Variants in SUSD2 observed in about 807,000 individuals in gnomAD.
The protein encoded by SUSD2 is sushi domain containing 2, also known as sushi domain-containing protein 2.
In SUSD2, 86 loss-of-function variants were observed where a neutral mutation model predicts 93.8. That is an observed-to-expected ratio of 0.92 (90% CI 0.77 to 1.10). The LOEUF (loss-of-function observed/expected upper bound fraction) is 1.10, where lower values mean the gene tolerates loss of function less well. Ranked by LOEUF, SUSD2 falls within the 50% of genes least tolerant of loss-of-function variation. SUSD2 has a pLI of 0.00. For synonymous variants in SUSD2, 483 were observed against 485.0 expected, an observed-to-expected ratio of 1.00 and a Z score of 0.05; for missense variants, 1,060 against 1,137.0, an observed-to-expected ratio of 0.93 and a Z score of 0.97.
At position 24,185,656 on chromosome 22, in the gene SUSD2, T is replaced by C. The variant is rs1428275369; in HGVS notation, c.1071-5T>C. 10 of 1,608,408 alleles carry C rather than the reference T, an allele frequency of 6.2e-6. No homozygotes were observed. The highest frequency in any genetic ancestry group is 8.5e-6 in the Non-Finnish European group (10 of 1,177,536). ...GGCCTGGCCCTGACTCACTGGCTCC[T>C]GCAGCCTCCGGTACGGCTCAGGTCA... On this transcript the variant is annotated splice_region_variant and splice_polypyrimidine_tract_variant and intron_variant, in intron 7 of 14. Transcript: ENST00000358321.
Position 24,187,442 on chromosome 22 carries a change from G to A in SUSD2, c.1883G>A (p.Gly628Glu), listed in dbSNP as rs2047376238. The A allele has an allele frequency of 1.9e-6, 3 of 1,612,924 alleles. No homozygotes were observed. Among genetic ancestry groups the A allele is most frequent in the African/African-American group, 1.3e-5 (1 of 75,030 alleles). The change falls in exon 11 of 15, where the codon GGG becomes GAG. Residue 628 changes from glycine to glutamate, a missense_variant. By Grantham distance (98) the Gly-to-Glu change is moderately conservative. This residue lies in a region of SUSD2 where 973 missense variants were observed against 1,005.3 expected (regional missense o/e 0.97). Transcript: ENST00000358321. ...GTSPQELFLF[G>E]ANWTVHNASS... ...AGTCCCCAGGAGCTGTTCCTGTTTG[G>A]GGCCAACTGTGAGTGACCGTGGAGT...
chr22:24,184,207 ACCG>A lies in SUSD2; in HGVS notation c.514_516del (p.Ala172del). 1 of 1,613,598 alleles carries A rather than the reference ACCG, an allele frequency of 6.2e-7. No homozygotes were observed. Among genetic ancestry groups the A allele is most frequent in the Non-Finnish European group, 8.5e-7 (1 of 1,180,010 alleles). On this transcript the variant is annotated inframe_deletion, in exon 4 of 15. Coordinates refer to ENST00000358321, the MANE Select transcript of SUSD2 (RefSeq NM_019601.4). ...CGAGACGCGTTGGCAATACTACGGC[ACCG>A]CCAACACCTCAGGCAACCTCAGCCT...
At chr22:24,184,101 C>G in intron 3 of SUSD2, 35 bp from the exon 4 acceptor site, 1 of 1,608,466 alleles carries the variant, frequency 6.2e-7, no homozygotes, top group Non-Finnish European at 8.5e-7. Context: ...TCCCTGGGCC[C>G]AGGCCCTCAC....
At chr22:24,182,258 C>A (rs1251343253) in intron 1 of SUSD2, among the ~76,000 whole-genome samples, 2 of 152,224 alleles carry the variant, frequency 1.3e-5, no homozygotes, top group Non-Finnish European at 2.9e-5. Context: ...CTGCCCCAGT[C>A]CCTCCCTGCA....
chr22:24,186,519 T>A, intron 10 of SUSD2, 104 bp downstream of exon 10: 1 of 1,406,468 alleles, frequency 7.1e-7, no homozygotes, highest in Non-Finnish European at 9.7e-7. Context: ...CTCCCAGTCC[T>A]GGCTAGAGGC....
chr22:24,187,267 G>A lies in SUSD2; in HGVS notation c.1708G>A (p.Glu570Lys), dbSNP rs769518325. 6.2e-7 allele frequency: 1 copy of A among 1,614,016 alleles called. No homozygotes were observed. The highest frequency in any genetic ancestry group is 8.5e-7 in the Non-Finnish European group (1 of 1,179,998). ...CATGCTGGCATCAGGGGCCGGCCTG[G>A]AGGTCAGCGTGCAGGGCCCGTTCCT... ...SIMLASGAGL[E>K]VSVQGPFLSV... Residue 570 changes from glutamate to lysine, a missense_variant, in exon 11 of 15, where the codon GAG (glutamate) becomes AAG (lysine). Physicochemically the swap from Glu to Lys is moderately conservative, Grantham distance 56 (BLOSUM62 1). Around this residue, in one of 2 missense-constraint regions of SUSD2, gnomAD observed 973 missense variants for 1,005.3 expected, o/e 0.97. Transcript: ENST00000358321.
intron 1 of SUSD2, chr22:24,182,445 C>A (rs573255621): frequency 5.5e-4 from 84 of 153,406 alleles, no homozygotes; most frequent in African/African-American, 2.0e-3. Flanking sequence ...AGGAGGGGAG[C>A]GGCCCTGGCC....
intron 2 of SUSD2, 29 bp downstream of exon 2, chr22:24,183,296 G>A (rs1398351904): frequency 1.3e-6 from 2 of 1,594,598 alleles, no homozygotes; most frequent in Non-Finnish European, 1.7e-6. Context: ...CCGGGCACTG[G>A]GGCCCCACGC....
rs534508255 is a variant in SUSD2 at position 24,185,272 on chromosome 22, C to T, written c.961C>T (p.Arg321Trp). The change falls in exon 6 of 15, where the codon CGG (arginine) becomes TGG (tryptophan). Residue 321 changes from arginine (R) to tryptophan (W), a missense_variant. This residue lies in a region of SUSD2 where 973 missense variants were observed against 1,005.3 expected (regional missense o/e 0.97). Coordinates refer to ENST00000358321, the MANE Select transcript of SUSD2 (RefSeq NM_019601.4). ...CTGCCCCTGCACCCTGACCCAGGCCCGGGCTGACTCCGGCCGCTTCTTCGT... is the reference window on the plus strand; with the variant it reads ...CTGCCCCTGCACCCTGACCCAGGCCTGGGCTGACTCCGGCCGCTTCTTCGT... ...PDCPCTLTQA[R>W]ADSGRFFTDY... The T allele has an allele frequency of 3.6e-5, 57 of 1,605,214 alleles. No homozygotes were observed. The East Asian group carries it at 5.3e-4, about 15-fold the overall frequency.
Position 24,185,179 on chromosome 22 carries a change from C to G in SUSD2, c.868C>G (p.Arg290Gly). Reference sequence around the variant, plus strand: ...CCGAGAGGACCCTGTGGCCTGGGCACGAACTCAGTGCCAGGCCTGGGAGGA... The same window carrying G: ...CCGAGAGGACCCTGTGGCCTGGGCAGGAACTCAGTGCCAGGCCTGGGAGGA... ...DFREDPVAWA[R>G]TQCQAWEELE... is the part of the protein sequence containing the mutation. The change falls in exon 6 of 15, where the codon CGA (arginine) becomes GGA (glycine). Residue 290 changes from arginine (R) to glycine (G), a missense_variant. Transcript: ENST00000358321. The G allele has an allele frequency of 6.2e-7, 1 of 1,612,266 alleles. No individual in the cohort carries two copies. Among genetic ancestry groups the G allele is most frequent in the Non-Finnish European group, 8.5e-7 (1 of 1,179,816 alleles).
chr22:24,188,188 CAG>C lies in SUSD2; in HGVS notation c.2342-32_2342-31del. The C allele has an allele frequency of 6.3e-7, 1 of 1,592,288 alleles. No individual in the cohort carries two copies. ...CTGCACCTGTCCCCACTCACCACCC[CAG>C]AGAGCCCCCTCACTGACACTCGCTC... On this transcript the variant is annotated intron_variant, in intron 13 of 14. Transcript: ENST00000358321. The surrounding 1 kb of genome is among the most constrained non-coding windows in gnomAD (Gnocchi z 4.7).
chr22:24,184,058 C>G, intron 3 of SUSD2, 78 bp from the exon 4 acceptor site: 1 of 1,441,108 alleles, frequency 6.9e-7, no homozygotes. Context: ...GAGGCTCCCA[C>G]AGCCCTTGAA....
Position 24,183,124 on chromosome 22 carries a change from C to T in SUSD2, c.144C>T (p.Cys48=), listed in dbSNP as rs1166431670. 3.7e-6 allele frequency: 6 copies of T among 1,614,056 alleles called. No homozygotes were observed. The highest frequency in any genetic ancestry group is 5.1e-6 in the Non-Finnish European group (6 of 1,179,886). The part of the protein sequence containing the change: ...LDGPCSCHPT[C]SGLGTCCLDF... ...GGCCATGTTCCTGCCACCCGACGTG[C>T]TCTGGCCTTGGCACCTGCTGCTTGG... The change falls in exon 2 of 15, where the codon TGC becomes TGT. Residue 48 remains cysteine, a synonymous_variant. Coordinates refer to ENST00000358321, the MANE Select transcript of SUSD2 (RefSeq NM_019601.4).
At chr22:24,184,025 G>C (rs935792169) in intron 3 of SUSD2, 111 bp from the exon 4 acceptor site, 19 of 1,053,276 alleles carry the variant, frequency 1.8e-5, no homozygotes, top group South Asian at 1.7e-4. Context: ...CCATCACCCA[G>C]CTGCTGCCAT....
In SUSD2 at chr22:24,186,322, G is replaced by A; in HGVS notation, c.1549G>A (p.Glu517Lys). ...CCAGGAGGGCAACTCAGATGTGGTG[G>A]AAGTCAGGCTGGCCAACAGGACCGG... ...AVQEGNSDVV[E>K]VRLANRTGGL... is the part of the protein sequence containing the mutation. The change falls in exon 10 of 15, where the codon GAA (glutamate) becomes AAA (lysine). Residue 517 changes from glutamate to lysine, a missense_variant. This residue lies in a region of SUSD2 where 973 missense variants were observed against 1,005.3 expected (regional missense o/e 0.97). Coordinates refer to ENST00000358321, the MANE Select transcript of SUSD2 (RefSeq NM_019601.4). 1 of 1,613,998 alleles carries A rather than the reference G, an allele frequency of 6.2e-7. No homozygotes were observed. The highest frequency in any genetic ancestry group is 1.1e-5 in the South Asian group (1 of 91,090).
chr22:24,185,250 C>G lies in SUSD2; in HGVS notation c.939C>G (p.Cys313Trp). 2 of 1,607,116 alleles carry G rather than the reference C, an allele frequency of 1.2e-6. No homozygotes were observed. Among genetic ancestry groups the G allele is most frequent in the African/African-American group, 1.3e-5 (1 of 74,998 alleles). The change falls in exon 6 of 15, where the codon TGC becomes TGG. Residue 313 changes from cysteine (C) to tryptophan (W), a missense_variant. Physicochemically the swap from Cys to Trp is radical, Grantham distance 215. This residue lies in a region of SUSD2 where 973 missense variants were observed against 1,005.3 expected (regional missense o/e 0.97). Coordinates refer to ENST00000358321, the MANE Select transcript of SUSD2 (RefSeq NM_019601.4). Reference sequence around the variant, plus strand: ...ACTTCCTGGAGGAGCTGCCGGACTGCCCCTGCACCCTGACCCAGGCCCGGG... The same window carrying G: ...ACTTCCTGGAGGAGCTGCCGGACTGGCCCTGCACCCTGACCCAGGCCCGGG... ...LPNFLEELPD[C>W]PCTLTQARAD...
chr22:24,186,952 C>G (rs975040026), intron 10 of SUSD2: 2 of 576,614 alleles, frequency 3.5e-6, no homozygotes, highest in African/African-American at 3.7e-5. Context: ...CCAGAGGGAC[C>G]CACACGTGCA....
In SUSD2 at chr22:24,182,889, C is replaced by T; in HGVS notation, c.77-168C>T. The T allele has an allele frequency of 8.2e-6, 5 of 607,876 alleles. No homozygotes were observed. The East Asian group carries it at 1.4e-4, about 17-fold the overall frequency. 37.7% of individuals were successfully genotyped at this position (607,876 alleles called of 1,614,324 possible). A position where few individuals can be genotyped will look rare whatever the true frequency, so the allele number is the denominator to read the frequency against. ...TAAGATTCATCCCATCCCCACGGGC[C>T]CTGTGGCTTTCTACTGTGTCCACCT... On this transcript the variant is annotated intron_variant, in intron 1 of 14. Transcript: ENST00000358321.
Position 24,186,375 on chromosome 22 carries a change from G to A in SUSD2, c.1602G>A (p.Glu534=), listed in dbSNP as rs776637556. 3.7e-6 allele frequency: 6 copies of A among 1,613,812 alleles called. No individual in the cohort carries two copies. In the East Asian group the frequency reaches 1.3e-4, roughly 36 times the overall value. The part of the protein sequence containing the change: ...TGGLEVLLNQ[E]VLSFTEQSWM... Reference sequence around the variant, plus strand: ...GTCTGGAGGTGCTGCTGAACCAGGAGGTGCTGAGCTTCACCGAGCAGAGCT... The same window carrying A: ...GTCTGGAGGTGCTGCTGAACCAGGAAGTGCTGAGCTTCACCGAGCAGAGCT... The change falls in exon 10 of 15, where the codon GAG becomes GAA. Residue 534 remains glutamate, a synonymous_variant. Transcript: ENST00000358321.
Sources: allele counts gnomAD v4.1 joint callset (sites outside exome capture counted in the v4.1 genomes callset), GRCh38; gene constraint gnomAD v4.1.1; regional missense constraint gnomAD v4.1.1; non-coding constraint Gnocchi (gnomAD v3.1); transcripts MANE v1.5; gene names NCBI Gene and HGNC (gene_info 2026-07-23, HGNC 2026-07-21).